Variants in CSDE1 observed in about 807,000 individuals in gnomAD.
CSDE1 encodes the protein cold shock domain-containing protein E1.
In CSDE1, 17 loss-of-function variants were observed where a neutral mutation model predicts 89.3. That is an observed-to-expected ratio of 0.19 (90% CI 0.13 to 0.29). The LOEUF (loss-of-function observed/expected upper bound fraction) is 0.29. Ranked by LOEUF, CSDE1 falls within the 10% of genes least tolerant of loss-of-function variation. The probability of loss-of-function intolerance (pLI) is 1.00; values close to 1 mark genes in which losing one functional copy is unlikely to be tolerated. For missense variants in CSDE1, 672 were observed against 984.2 expected (o/e 0.68, Z 4.24); for synonymous variants, 322 against 332.8 (o/e 0.97, Z 0.35).
At chr1:114,746,786 C>T (rs1463152869) in intron 2 of CSDE1, 3 of 152,194 alleles carry the variant, frequency 2.0e-5, no homozygotes, top group African/African-American at 7.2e-5. Flanking sequence ...ATGAGCTAGT[C>T]TGCCAAGTTA....
At chr1:114,738,128 T>C (rs967074094) in intron 3 of CSDE1, 56 bp from the exon 4 acceptor site, 6 of 1,297,448 alleles carry the variant, frequency 4.6e-6, no homozygotes, top group Admixed American at 3.4e-5. Context: ...AACGATATAT[T>C]GCTTCCAAGC....
rs1186739966 is a variant in CSDE1 at position 114,733,752 on chromosome 1, T to C, written c.817A>G (p.Lys273Glu). The C allele has an allele frequency of 1.9e-6, 3 of 1,613,672 alleles. No individual in the cohort carries two copies. Among genetic ancestry groups the C allele is most frequent in the Admixed American group, 1.7e-5 (1 of 59,936 alleles). The change falls in exon 9 of 20, where the codon AAA (lysine) becomes GAA (glutamate). Residue 273 changes from lysine (K) to glutamate (E), a missense_variant. This residue lies in a region of CSDE1 where 169 missense variants were observed against 262.9 expected (regional missense o/e 0.64). Transcript: ENST00000358528. ...FEGTVTKVIP[K>E]VPSKNQNDPL... ...TTTACCTGGTTTTTACTGGGTACTT[T>C]TGGGATAACTTTGGTTACAGTTCCT...
intron 2 of CSDE1, chr1:114,748,539 T>G (rs1156281850): frequency 6.6e-6 from 1 of 152,220 alleles, no homozygotes; most frequent in South Asian, 2.1e-4. Context: ...ACACAATAGA[T>G]TTCCATAACA....
intron 10 of CSDE1, 22 bp from the exon 11 acceptor site, chr1:114,730,670 C>T (rs1477545874): frequency 1.9e-6 from 3 of 1,610,514 alleles, no homozygotes; most frequent in Admixed American, 1.7e-5. Flanking sequence ...ATAATATTTT[C>T]ACTGGCTGTG....
rs374095550 is a variant in CSDE1 at position 114,718,168 on chromosome 1, G to T, written c.*1C>A. 1.2e-6 allele frequency: 2 copies of T among 1,613,848 alleles called. No individual in the cohort carries two copies. Among genetic ancestry groups the T allele is most frequent in the Non-Finnish European group, 1.7e-6 (2 of 1,179,938 alleles). ...ATTAATGGTGTGCTTTGTGGATGTG[G>T]TTAGTCAATGACACCAGCTTGACGG... is the stretch of plus-strand genomic sequence containing the variant. On this transcript the variant is annotated 3_prime_UTR_variant, in exon 20 of 20. Transcript: ENST00000358528.
At chr1:114,746,009 A>C (rs1314877259) in intron 2 of CSDE1, among the ~76,000 whole-genome samples, 1 of 152,110 alleles carries the variant, frequency 6.6e-6, no homozygotes, top group Non-Finnish European at 1.5e-5. Context: ...ACAACATCTA[A>C]GTTGTTTTTC....
chr1:114,730,931 C>T (rs553961491), intron 10 of CSDE1, among the ~76,000 whole-genome samples: 1 of 152,292 alleles, frequency 6.6e-6, no homozygotes, highest in East Asian at 1.9e-4. Flanking sequence ...CAATGTATTT[C>T]ATAAAAGCCC....
At chr1:114,733,936 T>C (rs1044179202) in intron 8 of CSDE1, 53 bp downstream of exon 8, 3 of 1,607,134 alleles carry the variant, frequency 1.9e-6, no homozygotes, top group Non-Finnish European at 2.5e-6. Flanking sequence ...CTTAAAAACA[T>C]AAACCAACTC....
chr1:114,739,087 A>G (rs1165421787), intron 3 of CSDE1, among the ~76,000 whole-genome samples: 1 of 151,612 alleles, frequency 6.6e-6, no homozygotes, highest in Non-Finnish European at 1.5e-5. Flanking sequence ...GCTGGAGTGC[A>G]GTGGTGGCAT....
rs147036044 is a variant in CSDE1 at position 114,718,256 on chromosome 1, T to C, written c.2350-40A>G. 45 of 1,591,630 alleles carry C rather than the reference T, an allele frequency of 2.8e-5. No individual in the cohort carries two copies. In the African/African-American group the frequency reaches 5.5e-4, roughly 20 times the overall value. On this transcript the variant is annotated intron_variant, in intron 19 of 19. Transcript: ENST00000358528. ...AAAAAAAAACCCTGCAGTTAATGAT[T>C]TGAGCGCACAACAATCATAGTACAT...
chr1:114,719,491 G>A, intron 18 of CSDE1, 88 bp downstream of exon 18: 1 of 1,272,166 alleles, frequency 7.9e-7, no homozygotes. Flanking sequence ...AGAAGACAAG[G>A]CACAGAAAAG....
Position 114,726,353 on chromosome 1 carries a change from C to T in CSDE1, c.1498G>A (p.Gly500Arg). 1 of 1,612,836 alleles carries T rather than the reference C, an allele frequency of 6.2e-7. No individual in the cohort carries two copies. Among genetic ancestry groups the T allele is most frequent in the Non-Finnish European group, 8.5e-7 (1 of 1,179,542 alleles). The change falls in exon 14 of 20, where the codon GGA becomes AGA. Residue 500 changes from glycine to arginine, a missense_variant. By Grantham distance (125) the Gly-to-Arg change is moderately radical. This residue lies in a region of CSDE1 where 108 missense variants were observed against 105.0 expected (regional missense o/e 1.03). Transcript: ENST00000358528. Reference sequence around the variant, plus strand: ...CGCACACAAGTTGCAACCTGCTGTCCAGGCCTCTGTTTGTCACTAATACTA... The same window carrying T: ...CGCACACAAGTTGCAACCTGCTGTCTAGGCCTCTGTTTGTCACTAATACTA... ...EFSISDKQRP[G>R]QQVATCVRLL... is the part of the protein sequence containing the mutation.
chr1:114,719,018 A>T (rs1659359983), intron 18 of CSDE1: 1 of 372,122 alleles, frequency 2.7e-6, no homozygotes, highest in African/African-American at 2.1e-5. Flanking sequence ...ACAGATGCAT[A>T]AAAAAACAAG....
intron 2 of CSDE1, among the ~76,000 whole-genome samples, chr1:114,749,596 C>A (rs572775466): frequency 6.6e-6 from 1 of 152,076 alleles, no homozygotes; most frequent in Non-Finnish European, 1.5e-5. Context: ...ACCAGCAAGT[C>A]GAGAGATCAG....
chr1:114,718,108 C>G lies in CSDE1; in HGVS notation c.*61G>C, dbSNP rs1438639185. On this transcript the variant is annotated 3_prime_UTR_variant, in exon 20 of 20. Coordinates refer to ENST00000358528, the MANE Select transcript of CSDE1 (RefSeq NM_001007553.3). Reference sequence around the variant, plus strand: ...GGATGAAGAGGGAGATATTCAGAACCCTTCACCAGATTCCCCCCAACTTGA... The same window carrying G: ...GGATGAAGAGGGAGATATTCAGAACGCTTCACCAGATTCCCCCCAACTTGA... 1.9e-6 allele frequency: 3 copies of G among 1,567,426 alleles called. No homozygotes were observed. The highest frequency in any genetic ancestry group is 2.6e-6 in the Non-Finnish European group (3 of 1,138,662).
chr1:114,732,199 C>CT (rs1485429428), intron 10 of CSDE1, among the ~76,000 whole-genome samples: 1 of 152,074 alleles, frequency 6.6e-6, no homozygotes, highest in Admixed American at 6.6e-5. Flanking sequence ...GGTGTTCAAT[C>CT]TTTTGGCTTC....
At chr1:114,719,533 G>C in intron 18 of CSDE1, 46 bp downstream of exon 18, 1 of 1,565,600 alleles carries the variant, frequency 6.4e-7, no homozygotes, top group South Asian at 1.2e-5. Flanking sequence ...ATAAAGTTGA[G>C]ACACTCCAGG....
intron 6 of CSDE1, among the ~76,000 whole-genome samples, chr1:114,735,571 G>C (rs1425299621): frequency 6.6e-6 from 1 of 152,180 alleles, no homozygotes; most frequent in Non-Finnish European, 1.5e-5. Context: ...GAGGCCTTCA[G>C]ACTGTAACTA....
chr1:114,734,319 GT>G, intron 7 of CSDE1, 122 bp downstream of exon 7: 1 of 1,059,292 alleles, frequency 9.4e-7, no homozygotes, highest in Admixed American at 2.8e-5. Context: ...TACTTTTGAG[GT>G]TAACAGTGAA....
Sources: allele counts gnomAD v4.1 joint callset (sites outside exome capture counted in the v4.1 genomes callset), GRCh38; gene constraint gnomAD v4.1.1; regional missense constraint gnomAD v4.1.1; transcripts MANE v1.5; gene names NCBI Gene and HGNC (gene_info 2026-07-23, HGNC 2026-07-21).